Variants in ST7 observed in about 807,000 individuals in gnomAD.
The protein encoded by ST7 is suppressor of tumorigenicity 7 protein.
A neutral mutation model predicts 78.7 loss-of-function variants in ST7; 28 were observed. The ratio of observed to expected loss-of-function variants is 0.36; its 90% CI spans 0.26 to 0.49. The LOEUF (loss-of-function observed/expected upper bound fraction) is 0.49, where lower values mean the gene tolerates loss of function less well. ST7 is among the 20% of genes least tolerant of loss of function. The pLI, the probability that ST7 is intolerant of heterozygous loss-of-function variation, is 0.99. For synonymous variants in ST7, 247 were observed against 249.6 expected, an observed-to-expected ratio of 0.99 and a Z score of 0.10; for missense variants, 418 against 696.0, an observed-to-expected ratio of 0.60 and a Z score of 4.49.
chr7:116,959,257 C>A, intron 1 of ST7: 1 of 470,998 alleles, frequency 2.1e-6, no homozygotes, highest in South Asian at 1.5e-5. Context: ...CAAGGAATTA[C>A]AACAATTCAG....
rs534133763 is a variant in ST7, at chr7:117,031,744, A to G, written c.152-68018A>G. ...TATGCATATATATGCATATATGTGTATATATATGCATATATGTGTATATAT... is the reference window on the plus strand; with the variant it reads ...TATGCATATATATGCATATATGTGTGTATATATGCATATATGTGTATATAT... On this transcript the variant is annotated intron_variant, in intron 1 of 15. Transcript: ENST00000323984. 6.1e-5 allele frequency among the ~76,000 whole-genome samples: 2 copies of G among 33,014 alleles called. 1 individual carries two copies. The highest frequency in any genetic ancestry group is 2.8e-4 in the African/African-American group (2 of 7,066). The allele number at this position is 33,014 out of a possible 152,430, so 21.7% of individuals were successfully genotyped here.
chr7:117,108,594 A>G (rs1354715348), intron 2 of ST7, among the ~76,000 whole-genome samples: 6 of 151,864 alleles, frequency 4.0e-5, no homozygotes, highest in Non-Finnish European at 8.8e-5. Flanking sequence ...GTTCCATATG[A>G]ATTTTTTGGT....
intron 1 of ST7, among the ~76,000 whole-genome samples, chr7:116,965,035 G>A (rs751346720): frequency 1.3e-5 from 2 of 152,164 alleles, no homozygotes; most frequent in Non-Finnish European, 2.9e-5. Flanking sequence ...ACTTAGTTTA[G>A]GCTATAGAAA....
intron 15 of ST7, among the ~76,000 whole-genome samples, chr7:117,225,020 C>T (rs1584644100): frequency 6.6e-6 from 1 of 152,190 alleles, no homozygotes; most frequent in South Asian, 2.1e-4. Context: ...TTGTCAAGCA[C>T]TCCCCTGGTG....
intron 9 of ST7, among the ~76,000 whole-genome samples, chr7:117,156,467 A>G (rs1003487056): frequency 3.3e-5 from 5 of 152,210 alleles, no homozygotes; most frequent in Admixed American, 2.6e-4. Context: ...GATACCTATT[A>G]TAGCTCCAGG....
chr7:117,096,651 T>C (rs553963916), intron 1 of ST7, among the ~76,000 whole-genome samples: 1 of 152,338 alleles, frequency 6.6e-6, no homozygotes, highest in East Asian at 1.9e-4. Context: ...CTCATGGAGC[T>C]GAAATGAAAA....
intron 13 of ST7, among the ~76,000 whole-genome samples, chr7:117,214,977 TACAC>T (rs149303651): frequency 6.9e-6 from 1 of 145,134 alleles, no homozygotes; most frequent in Admixed American, 6.9e-5. Context: ...AAGCAAAAAA[TACAC>T]ACACACACAC....
chr7:117,005,443 C>T (rs1461899116), intron 1 of ST7, among the ~76,000 whole-genome samples: 1 of 152,124 alleles, frequency 6.6e-6, no homozygotes, highest in East Asian at 1.9e-4. Flanking sequence ...CAAATGTCCC[C>T]TGTTTTCCTC....
At chr7:116,954,222 G>A (rs902944674) in intron 1 of ST7, 1 of 151,904 alleles carries the variant, frequency 6.6e-6, no homozygotes, top group African/African-American at 2.4e-5. Flanking sequence ...GACCCGGCCG[G>A]GCTGTCCGGG....
chr7:117,029,131 T>G (rs1307202939), intron 1 of ST7, among the ~76,000 whole-genome samples: 1 of 152,190 alleles, frequency 6.6e-6, no homozygotes, highest in African/African-American at 2.4e-5. Context: ...TTCATTTCTC[T>G]TAGGTAAATA....
chr7:117,151,070 C>T (rs1419033063), intron 9 of ST7, among the ~76,000 whole-genome samples: 3 of 152,252 alleles, frequency 2.0e-5, no homozygotes, highest in Admixed American at 1.3e-4. Context: ...CAGGTTACCA[C>T]TGTCTTTCAT....
At chr7:117,152,061 G>A (rs550718622) in intron 9 of ST7, among the ~76,000 whole-genome samples, 101 of 150,678 alleles carry the variant, frequency 6.7e-4, no homozygotes, top group African/African-American at 2.3e-3. Flanking sequence ...AGAGGTTGCA[G>A]TGAGCCGAGA....
intron 1 of ST7, among the ~76,000 whole-genome samples, chr7:116,964,627 C>T (rs1793011183): frequency 6.6e-6 from 1 of 151,980 alleles, no homozygotes; most frequent in Admixed American, 6.6e-5. Flanking sequence ...TCAGAGTTGG[C>T]GTGGTTTAGA....
chr7:116,987,698 G>C (rs1371133962), intron 1 of ST7, among the ~76,000 whole-genome samples: 1 of 152,090 alleles, frequency 6.6e-6, no homozygotes, highest in African/African-American at 2.4e-5. Context: ...TCTCTCTTTG[G>C]TACCAGAAAT....
intron 1 of ST7, among the ~76,000 whole-genome samples, chr7:116,981,251 G>T (rs1263379015): frequency 1.3e-5 from 2 of 152,066 alleles, no homozygotes; most frequent in African/African-American, 4.8e-5. Context: ...GGGTCCACAG[G>T]CACATGCCAC....
chr7:117,046,956 T>C (rs1272728064), intron 1 of ST7, among the ~76,000 whole-genome samples: 2 of 152,206 alleles, frequency 1.3e-5, no homozygotes, highest in Non-Finnish European at 2.9e-5. Context: ...TGGAGGATAA[T>C]ATTGTACTTA....
chr7:117,169,027 A>G lies in ST7; in HGVS notation c.964-1835A>G, dbSNP rs191203626. Among the ~76,000 whole-genome samples, 27 of 152,304 alleles carry G rather than the reference A, an allele frequency of 1.8e-4. 1 individual carries two copies. Among genetic ancestry groups the G allele is most frequent in the Non-Finnish European group, 5.9e-5 (4 of 68,020 alleles). On this transcript the variant is annotated intron_variant, in intron 9 of 15. Transcript: ENST00000323984. The stretch of plus-strand genomic sequence containing the variant: ...GAGAATATATCTGTGATTCTGCTCT[A>G]TAAAGAACCTGGTTACCTTTCTTTT...
chr7:117,069,053 C>T (rs937111105), intron 1 of ST7, among the ~76,000 whole-genome samples: 4 of 152,250 alleles, frequency 2.6e-5, no homozygotes, highest in African/African-American at 7.2e-5. Context: ...CTTCACTCTG[C>T]TGCATTTTGC....
At chr7:116,997,965 A>G (rs1275485409) in intron 1 of ST7, among the ~76,000 whole-genome samples, 2 of 152,242 alleles carry the variant, frequency 1.3e-5, no homozygotes, top group Non-Finnish European at 2.9e-5. Flanking sequence ...CTGCAGGTGG[A>G]GCTGCCTGCT....
Sources: allele counts gnomAD v4.1 joint callset (sites outside exome capture counted in the v4.1 genomes callset), GRCh38; gene constraint gnomAD v4.1.1; transcripts MANE v1.5; gene names NCBI Gene and HGNC (gene_info 2026-07-23, HGNC 2026-07-21).